Variants in MRPL3 observed in about 807,000 individuals in gnomAD.
MRPL3 encodes the protein large ribosomal subunit protein uL3m.
MRPL3 carries 43 observed loss-of-function variants against 44.3 expected under a neutral mutation model. The observed-to-expected ratio is 0.97, with a 90% CI of 0.76 to 1.25. The LOEUF (loss-of-function observed/expected upper bound fraction) is 1.25, where lower values mean the gene tolerates loss of function less well. MRPL3 is among the 50% of genes most tolerant of loss of function. The pLI is 0.00. For missense variants in MRPL3, 406 were observed against 427.6 expected (o/e 0.95, Z 0.45); for synonymous variants, 171 against 152.3 (o/e 1.12, Z -0.91).
Position 131,487,570 on chromosome 3 carries a change from T to C in MRPL3, c.629+110A>G, listed in dbSNP as rs897427746. 2.1e-5 allele frequency: 18 copies of C among 854,304 alleles called. No individual in the cohort carries two copies. The Admixed American group carries it at 4.2e-4, about 20-fold the overall frequency. 52.9% of individuals were successfully genotyped at this position (854,304 alleles called of 1,614,324 possible). On this transcript the variant is annotated intron_variant, in intron 6 of 9. Transcript: ENST00000264995. ...AAAGATTTGAATTCAGAATGAGAAATATATTTATCCTTTATTCACTGACTT... is the reference window on the plus strand; with the variant it reads ...AAAGATTTGAATTCAGAATGAGAAACATATTTATCCTTTATTCACTGACTT...
chr3:131,480,064 T>C (rs1483144173), intron 6 of MRPL3, among the ~76,000 whole-genome samples: 3 of 152,234 alleles, frequency 2.0e-5, no homozygotes, highest in Admixed American at 6.5e-5. Context: ...ATTACATGTA[T>C]ATAAAAGGCT....
At chr3:131,492,929 C>A (rs1223513363) in intron 4 of MRPL3, among the ~76,000 whole-genome samples, 1 of 152,160 alleles carries the variant, frequency 6.6e-6, no homozygotes, top group South Asian at 2.1e-4. Flanking sequence ...GGGTCTTCCC[C>A]CCACCTTAAT....
At chr3:131,496,811 CTAGT>C (rs1471957070) in intron 4 of MRPL3, among the ~76,000 whole-genome samples, 6 of 152,138 alleles carry the variant, frequency 3.9e-5, no homozygotes, top group African/African-American at 1.4e-4. Context: ...AGTTACTGAC[CTAGT>C]TAAAGAATTC....
At chr3:131,500,347 G>T in intron 3 of MRPL3, 83 bp downstream of exon 3, 1 of 1,083,562 alleles carries the variant, frequency 9.2e-7, no homozygotes. Flanking sequence ...CATGTTTCAG[G>T]ACACAAATAG....
At chr3:131,469,614 G>A (rs1245382811) in intron 8 of MRPL3, 82 bp downstream of exon 8, 2 of 958,786 alleles carry the variant, frequency 2.1e-6, no homozygotes, top group African/African-American at 3.3e-5. Flanking sequence ...CAATGGTACA[G>A]ACACAGATTA....
chr3:131,501,655 C>A lies in MRPL3; in HGVS notation c.153G>T (p.Glu51Asp), dbSNP rs549245531. Reference sequence around the variant, plus strand: ...ATGGGACATTTTCTTCAGAAAGATGCTCATCCCACCATGTACCACTCTTTC... The same window carrying A: ...ATGGGACATTTTCTTCAGAAAGATGATCATCCCACCATGTACCACTCTTTC... ...LHGKSGTWWD[E>D]HLSEENVPFI... Residue 51 changes from glutamate (E) to aspartate (D), a missense_variant, in exon 2 of 10, where the codon GAG becomes GAT. Glu to Asp is a conservative substitution (Grantham distance 45). Coordinates refer to ENST00000264995, the MANE Select transcript of MRPL3 (RefSeq NM_007208.4). The A allele has an allele frequency of 6.2e-7, 1 of 1,613,588 alleles. No individual in the cohort carries two copies. The highest frequency in any genetic ancestry group is 1.7e-5 in the Admixed American group (1 of 60,002).
At chr3:131,495,523 T>C (rs1277009820) in intron 4 of MRPL3, among the ~76,000 whole-genome samples, 1 of 152,130 alleles carries the variant, frequency 6.6e-6, no homozygotes, top group African/African-American at 2.4e-5. Flanking sequence ...GTAAATTAAG[T>C]GGGTCAAAAT....
chr3:131,465,548 G>A (rs1488086640), intron 9 of MRPL3, among the ~76,000 whole-genome samples: 1 of 152,162 alleles, frequency 6.6e-6, no homozygotes, highest in Non-Finnish European at 1.5e-5. Flanking sequence ...AATCATGTAT[G>A]TAGAAAAATA....
At chr3:131,497,642 C>T (rs1934399365) in intron 4 of MRPL3, among the ~76,000 whole-genome samples, 2 of 152,020 alleles carry the variant, frequency 1.3e-5, no homozygotes, top group South Asian at 4.1e-4. Context: ...CAGTACTCTA[C>T]TTAAAAAAAA....
At chr3:131,471,363 A>G (rs1933740037) in intron 6 of MRPL3, 84 bp from the exon 7 acceptor site, 1 of 898,146 alleles carries the variant, frequency 1.1e-6, no homozygotes, top group African/African-American at 1.7e-5. Flanking sequence ...CCAACTGTAC[A>G]CATTCTTGTT....
intron 6 of MRPL3, among the ~76,000 whole-genome samples, chr3:131,486,139 T>C (rs532824179): frequency 6.6e-6 from 1 of 152,176 alleles, no homozygotes; most frequent in African/African-American, 2.4e-5. Flanking sequence ...TGTAGAAAGA[T>C]GAAACTGGAT....
At chr3:131,498,701 C>CA (rs71133698) in intron 3 of MRPL3, among the ~76,000 whole-genome samples, 12,215 of 81,398 alleles carry the variant, frequency 0.15, 930 homozygotes, top group African/African-American at 0.18. Context: ...GACTCCGTCT[C>CA]AAAAAAAAAA....
rs78207303 is a variant in MRPL3 at position 131,481,894 on chromosome 3, A to C, written c.629+5786T>G. ...CTGAAAATGTACAGGACAGCACAGC[A>C]ACTGTATCCTGAAGGCAGCACATAC... On this transcript the variant is annotated intron_variant, in intron 6 of 9. Coordinates refer to ENST00000264995, the MANE Select transcript of MRPL3 (RefSeq NM_007208.4). Among the ~76,000 whole-genome samples, 428 of 152,368 alleles carry C rather than the reference A, an allele frequency of 2.8e-3. 14 individuals are homozygous for C. The East Asian group carries it at 0.074, about 26-fold the overall frequency.
intron 5 of MRPL3, among the ~76,000 whole-genome samples, chr3:131,489,468 C>T (rs1934199694): frequency 6.6e-6 from 1 of 152,056 alleles, no homozygotes; most frequent in African/African-American, 2.4e-5. Context: ...GAAGTTCAGA[C>T]ATCAAAATGT....
intron 6 of MRPL3, among the ~76,000 whole-genome samples, chr3:131,477,023 C>T (rs192193679): frequency 9.2e-5 from 14 of 152,090 alleles, no homozygotes; most frequent in Non-Finnish European, 1.8e-4. Context: ...TAATGTTTCC[C>T]GCTGAATTCT....
chr3:131,497,979 G>A lies in MRPL3; in HGVS notation c.468+200C>T, dbSNP rs1240497049. ...GGTAAAATTACTTGTTCCAGATACA[G>A]GGAGAGGTATTAGAACAAACTCAAG... On this transcript the variant is annotated intron_variant, in intron 4 of 9. Transcript: ENST00000264995. 4 of 575,746 alleles carry A rather than the reference G, an allele frequency of 6.9e-6. No individual in the cohort carries two copies. The African/African-American group carries it at 7.5e-5, about 11-fold the overall frequency. The allele number at this position is 575,746 out of a possible 1,614,324, so 35.7% of individuals were successfully genotyped here.
intron 6 of MRPL3, among the ~76,000 whole-genome samples, chr3:131,475,809 G>A (rs939138949): frequency 1.3e-5 from 2 of 152,160 alleles, no homozygotes; most frequent in Non-Finnish European, 2.9e-5. Context: ...TTGAATTTTA[G>A]AACCTAATTG....
rs1933514141 is a variant in MRPL3, at chr3:131,462,610, A to G, written c.*113T>C. 7 of 1,002,168 alleles carry G rather than the reference A, an allele frequency of 7.0e-6. No homozygotes were observed. The highest frequency in any genetic ancestry group is 1.0e-5 in the Non-Finnish European group (7 of 702,450). 62.1% of individuals were successfully genotyped at this position (1,002,168 alleles called of 1,614,324 possible). ...TATTTATGCCCTTGACAAAGATGAC[A>G]TGTGTGATTTTGTTGTGACTAAGAA... is the stretch of plus-strand genomic sequence containing the variant. On this transcript the variant is annotated 3_prime_UTR_variant, in exon 10 of 10. Coordinates refer to ENST00000264995, the MANE Select transcript of MRPL3 (RefSeq NM_007208.4).
In MRPL3 at chr3:131,501,636, C is replaced by T; in HGVS notation, c.172G>A (p.Val58Ile). 6.2e-7 allele frequency: 1 copy of T among 1,613,266 alleles called. No homozygotes were observed. Among genetic ancestry groups the T allele is most frequent in the Admixed American group, 1.7e-5 (1 of 60,006 alleles). Reference sequence around the variant, plus strand: ...GAGACCAACTGCTTAATGAATGGGACATTTTCTTCAGAAAGATGCTCATCC... The same window carrying T: ...GAGACCAACTGCTTAATGAATGGGATATTTTCTTCAGAAAGATGCTCATCC... ...WWDEHLSEEN[V>I]PFIKQLVSDE... Residue 58 changes from valine to isoleucine, a missense_variant, in exon 2 of 10, where the codon GTC (valine) becomes ATC (isoleucine). Val to Ile is a conservative substitution (Grantham distance 29). Transcript: ENST00000264995.
Sources: allele counts gnomAD v4.1 joint callset (sites outside exome capture counted in the v4.1 genomes callset), GRCh38; gene constraint gnomAD v4.1.1; transcripts MANE v1.5; gene names NCBI Gene and HGNC (gene_info 2026-07-23, HGNC 2026-07-21).